The following DDB1 variants were observed in gnomAD, a reference collection of about 807,000 sequenced individuals.
The protein encoded by DDB1 is DNA damage-binding protein 1.
DDB1 carries 18 observed loss-of-function variants against 133.1 expected under a neutral mutation model. The ratio of observed to expected loss-of-function variants is 0.14; its 90% confidence interval spans 0.09 to 0.20. The LOEUF (loss-of-function observed/expected upper bound fraction) is 0.20, where lower values mean the gene tolerates loss of function less well. Among genes scored for constraint, DDB1 ranks in the 10% least tolerant of loss-of-function variants. The probability of loss-of-function intolerance (pLI) is 1.00; values close to 1 mark genes in which losing one functional copy is unlikely to be tolerated. For synonymous variants in DDB1, 580 were observed against 550.5 expected (o/e 1.05, Z -0.75); for missense variants, 828 against 1,459.2 (o/e 0.57, Z 7.05).
rs775830467 is a variant in DDB1, at chr11:61,316,545, G to A, written c.1248C>T (p.Asp416=). ...GIKGLWPLRS[D]PNRETDDTLV... ...AAGTGTCATCAGTCTCACGATTAGG[G>A]TCAGACCGCAGTGGCCATAATCCTG... The change falls in exon 11 of 27, where the codon GAC becomes GAT. Residue 416 remains aspartate (D), a synonymous_variant. Transcript: ENST00000301764. 6.2e-7 allele frequency: 1 copy of A among 1,613,984 alleles called. No homozygotes were observed. The highest frequency in any genetic ancestry group is 8.5e-7 in the Non-Finnish European group (1 of 1,180,036).
At chr11:61,314,823 C>CTTTTTT (rs549452269) in intron 12 of DDB1, 5 of 81,158 alleles carry the variant, frequency 6.2e-5, no homozygotes, top group Admixed American at 1.5e-4. Flanking sequence ...AGTTTTTTGG[C>CTTTTTT]TTTTTTTTTT....
intron 1 of DDB1, 88 bp from the exon 2 acceptor site, chr11:61,331,779 T>G: frequency 6.5e-7 from 1 of 1,541,618 alleles, no homozygotes; most frequent in Non-Finnish European, 8.9e-7. Context: ...TCTAAATACC[T>G]CCAGAATTCT....
In DDB1 at chr11:61,329,471, G is replaced by A. The variant is rs1048853087; in HGVS notation, c.441C>T (p.Arg147=). 6 of 1,613,938 alleles carry A rather than the reference G, an allele frequency of 3.7e-6. No homozygotes were observed. The highest frequency in any genetic ancestry group is 2.7e-5 in the African/African-American group (2 of 74,840). ...DGLFKVIPLD[R]DNKELKAFNI... ...TGAAGGCCTTGAGTTCTTTATTATC[G>A]CGATCTAGTGGAATAACCTTGAAAA... The change falls in exon 4 of 27, where the codon CGC becomes CGT. Residue 147 remains arginine (R), a synonymous_variant. Coordinates refer to ENST00000301764, the MANE Select transcript of DDB1 (RefSeq NM_001923.5).
At chr11:61,310,603 A>T in intron 18 of DDB1, 185 bp from the exon 19 acceptor site, 1 of 563,942 alleles carries the variant, frequency 1.8e-6, no homozygotes, top group East Asian at 3.1e-5. Context: ...CATCAATCCC[A>T]AACAGTAAAA....
Position 61,310,305 on chromosome 11 carries a change from G to A in DDB1, c.2391C>T (p.His797=). The A allele has an allele frequency of 6.2e-7, 1 of 1,610,964 alleles. No individual in the cohort carries two copies. The change falls in exon 19 of 27, where the codon CAC becomes CAT. Residue 797 remains histidine (H), a synonymous_variant. Transcript: ENST00000301764. ...AGAGCTCATGTGCACCTTCAAAGGT[G>A]TGTTGGTCAATGATAAGTAGGTTGT... is the stretch of plus-strand genomic sequence containing the variant. ...EVHNLLIIDQ[H]TFEVLHAHQF...
rs540262475 is a variant in DDB1 at position 61,325,411 on chromosome 11, G to A, written c.762+200C>T. 3.3e-5 allele frequency among the ~76,000 whole-genome samples: 5 copies of A among 152,290 alleles called. No homozygotes were observed. In the South Asian group the frequency reaches 8.3e-4, roughly 25 times the overall value. On this transcript the variant is annotated intron_variant, in intron 6 of 26. Transcript: ENST00000301764. The stretch of plus-strand genomic sequence containing the variant: ...CCTATTTTGATTATCATTTATCTAA[G>A]TTAGCAAGCAAGTTCTCTGTAAGCA...
At chr11:61,302,546 C>G (rs773428552) in intron 24 of DDB1, 36 bp downstream of exon 24, 3 of 1,611,260 alleles carry the variant, frequency 1.9e-6, no homozygotes, top group Non-Finnish European at 2.5e-6. Flanking sequence ...AGGAAGGAGG[C>G]CTGTGTGGGG....
In DDB1 at chr11:61,303,719, A is replaced by C. The variant is rs1855837445; in HGVS notation, c.2832+146T>G. 3.2e-6 allele frequency: 3 copies of C among 941,212 alleles called. No individual in the cohort carries two copies. The South Asian group carries it at 5.9e-5, about 19-fold the overall frequency. The allele number at this position is 941,212 out of a possible 1,614,324, so 58.3% of individuals were successfully genotyped here. Reference sequence around the variant, plus strand: ...GCGTCTCAAAAAAAAAAAAAAAAAAAAAAAACTTAATCAATGTAGAATGTC... The same window carrying C: ...GCGTCTCAAAAAAAAAAAAAAAAAACAAAAACTTAATCAATGTAGAATGTC... On this transcript the variant is annotated intron_variant, in intron 22 of 26. Transcript: ENST00000301764.
intron 6 of DDB1, among the ~76,000 whole-genome samples, chr11:61,324,735 T>A (rs1422816333): frequency 6.6e-6 from 1 of 152,242 alleles, no homozygotes; most frequent in East Asian, 1.9e-4. Flanking sequence ...CTTTTAAGGC[T>A]TAATTTTTAC....
intron 12 of DDB1, chr11:61,315,572 C>T (rs1187186051): frequency 6.6e-6 from 1 of 152,186 alleles, no homozygotes; most frequent in Non-Finnish European, 1.5e-5. Context: ...TTCATTAATC[C>T]TTAGGCACTC....
chr11:61,322,703 A>T, intron 8 of DDB1: 1 of 538,412 alleles, frequency 1.9e-6, no homozygotes, highest in African/African-American at 1.9e-5. Context: ...TTCTGCAGAG[A>T]AGGTCCGAAG....
At position 61,304,054 on chromosome 11, in the gene DDB1, C is replaced by G; in HGVS notation, c.2662-19G>C. 6.2e-7 allele frequency: 1 copy of G among 1,613,184 alleles called. No individual in the cohort carries two copies. Among genetic ancestry groups the G allele is most frequent in the Non-Finnish European group, 8.5e-7 (1 of 1,179,782 alleles). ...GCCGCACCTGGGAAGGGCATTGTCT[C>G]TCTCAGCCAAAGGGGCCAGAGCTCT... On this transcript the variant is annotated intron_variant, in intron 21 of 26. Transcript: ENST00000301764.
chr11:61,312,901 C>T (rs1228285166), intron 16 of DDB1, among the ~76,000 whole-genome samples: 3 of 152,108 alleles, frequency 2.0e-5, no homozygotes, highest in Non-Finnish European at 4.4e-5. Flanking sequence ...ACCCAGCAAC[C>T]TTCCAATTTC....
At chr11:61,324,231 A>G in intron 6 of DDB1, 94 bp from the exon 7 acceptor site, 1 of 1,378,278 alleles carries the variant, frequency 7.3e-7, no homozygotes, top group Non-Finnish European at 1.0e-6. Flanking sequence ...AAACCCAGCC[A>G]TTTTACCAGC....
chr11:61,311,728 C>G, intron 18 of DDB1, 56 bp downstream of exon 18: 1 of 1,511,682 alleles, frequency 6.6e-7, no homozygotes, highest in Non-Finnish European at 9.0e-7. Flanking sequence ...CTGGCCTGTA[C>G]AGAAAGCTTG....
chr11:61,323,311 A>G (rs911646304), intron 7 of DDB1: 8 of 562,180 alleles, frequency 1.4e-5, no homozygotes, highest in African/African-American at 9.4e-5. Context: ...AGAAAAATCT[A>G]TAATTTGTCT....
intron 20 of DDB1, 40 bp downstream of exon 20, chr11:61,309,756 A>T: frequency 1.3e-6 from 2 of 1,594,458 alleles, no homozygotes; most frequent in South Asian, 2.2e-5. Context: ...CTTTCTCAGC[A>T]TTTCACATCC....
Position 61,314,087 on chromosome 11 carries a change from C to A in DDB1, c.1713G>T (p.Leu571Phe). Reference sequence around the variant, plus strand: ...CCTTGTGCAGTAGTTCAAAAGAGGGCAACTTCAAGATACGAGCCGAGATGT... The same window carrying A: ...CCTTGTGCAGTAGTTCAAAAGAGGGAAACTTCAAGATACGAGCCGAGATGT... ...WTDISARILK[L>F]PSFELLHKEM... Residue 571 changes from leucine (L) to phenylalanine (F), a missense_variant, in exon 14 of 27, where the codon TTG becomes TTT. Physicochemically the swap from Leu to Phe is conservative, Grantham distance 22. Around this residue, in one of 7 missense-constraint regions of DDB1, gnomAD observed 396 missense variants for 554.1 expected, o/e 0.71. Coordinates refer to ENST00000301764, the MANE Select transcript of DDB1 (RefSeq NM_001923.5). The A allele has an allele frequency of 6.2e-7, 1 of 1,613,972 alleles. No homozygotes were observed. Among genetic ancestry groups the A allele is most frequent in the South Asian group, 1.1e-5 (1 of 91,054 alleles).
At chr11:61,325,767 T>C (rs1404855242) in intron 5 of DDB1, 59 bp from the exon 6 acceptor site, 2 of 1,404,566 alleles carry the variant, frequency 1.4e-6, no homozygotes, top group African/African-American at 1.4e-5. Context: ...AAACCAGGAC[T>C]GGCAAAAGTA....
Sources: gnomAD v4.1 joint callset for allele counts (sites outside exome capture counted in the v4.1 genomes callset) on GRCh38, gnomAD v4.1.1 for gene constraint, gnomAD v4.1.1 regional missense constraint, MANE v1.5 for transcripts, NCBI Gene and HGNC (gene_info 2026-07-23, HGNC 2026-07-21) for gene names.